The following PDE1C variants were observed in gnomAD, a reference collection of about 807,000 sequenced individuals.
PDE1C encodes phosphodiesterase 1C.
PDE1C carries 62 observed loss-of-function variants against 93.1 expected under a neutral mutation model. The ratio of observed to expected loss-of-function variants is 0.67; its 90% CI spans 0.54 to 0.82. The LOEUF (loss-of-function observed/expected upper bound fraction) is 0.82. Ranked by LOEUF, PDE1C falls within the 40% of genes least tolerant of loss-of-function variation. PDE1C has a pLI of 0.00. For synonymous variants in PDE1C, 325 were observed against 310.1 expected (o/e 1.05, Z -0.50); for missense variants, 742 against 884.6 (o/e 0.84, Z 2.04).
intron 1 of PDE1C, among the ~76,000 whole-genome samples, chr7:32,323,067 C>A (rs1460913885): frequency 6.6e-6 from 1 of 152,156 alleles, no homozygotes; most frequent in African/African-American, 2.4e-5. Context: ...AGATTTAAGG[C>A]ATTTTTTAGT....
chr7:32,021,598 T>A (rs533934258), intron 2 of PDE1C, among the ~76,000 whole-genome samples: 1 of 150,728 alleles, frequency 6.6e-6, no homozygotes, highest in Admixed American at 6.6e-5. Context: ...TTTAAAATAG[T>A]TTTTTTATAA....
chr7:32,337,357 A>T (rs1783647681), intron 1 of PDE1C, among the ~76,000 whole-genome samples: 1 of 152,188 alleles, frequency 6.6e-6, no homozygotes, highest in South Asian at 2.1e-4. Context: ...ATTACCATAC[A>T]CTAGTATTGT....
chr7:32,342,882 T>G (rs903711942), intron 1 of PDE1C, among the ~76,000 whole-genome samples: 5 of 152,208 alleles, frequency 3.3e-5, no homozygotes, highest in African/African-American at 7.2e-5. Context: ...TTTTTGTACT[T>G]ATTTATTTTG....
At chr7:31,623,138 G>C in the PDE1C span, among the ~76,000 whole-genome samples, 19 of 152,216 alleles carry the variant, frequency 1.2e-4, no homozygotes, top group Non-Finnish European at 2.4e-4. Flanking sequence ...AAAGAGTCCA[G>C]GACCAGATGG....
chr7:31,878,113 A>G (rs1269460943), intron 4 of PDE1C, 77 bp from the exon 5 acceptor site: 3 of 993,046 alleles, frequency 3.0e-6, no homozygotes, highest in South Asian at 1.4e-5. Context: ...CATACCAAGT[A>G]TTGACAAATA....
At chr7:32,195,411 G>A (rs1804541265) in intron 2 of PDE1C, among the ~76,000 whole-genome samples, 1 of 152,172 alleles carries the variant, frequency 6.6e-6, no homozygotes, top group African/African-American at 2.4e-5. Flanking sequence ...ATTCTAGGTT[G>A]ACAGTTCTAC....
rs551440758 is a variant in PDE1C, at chr7:32,152,394, C to T, written c.308+17391G>A. Among the ~76,000 whole-genome samples, 4 of 152,314 alleles carry T rather than the reference C, an allele frequency of 2.6e-5. No homozygotes were observed. The East Asian group carries it at 7.7e-4, about 29-fold the overall frequency. ...ACATGAGCAGTGTGTCAGCGAAAGG[C>T]ACCAAAACAGCATAGGCATCCTCTG... On this transcript the variant is annotated intron_variant, in intron 3 of 18. Coordinates refer to the PDE1C transcript ENST00000396193.
intron 11 of PDE1C, among the ~76,000 whole-genome samples, chr7:31,836,468 G>A (rs1432962591): frequency 6.6e-6 from 1 of 151,966 alleles, no homozygotes. Context: ...TCAAGTAGCT[G>A]GGATTACAGG....
intron 2 of PDE1C, among the ~76,000 whole-genome samples, chr7:31,988,995 CAAAAA>C (rs36081234): frequency 1.5e-4 from 5 of 34,170 alleles, no homozygotes; most frequent in African/African-American, 5.4e-4. Flanking sequence ...AACTTCTTCT[CAAAAA>C]AAAAAAAAAA....
chr7:32,374,621 C>T (rs768965456), intron 1 of PDE1C, among the ~76,000 whole-genome samples: 3 of 152,216 alleles, frequency 2.0e-5, no homozygotes, highest in African/African-American at 7.2e-5. Flanking sequence ...TCTTCCCACC[C>T]GAGGCCCTGG....
At chr7:32,009,403 G>C (rs1486309202) in intron 2 of PDE1C, among the ~76,000 whole-genome samples, 1 of 152,190 alleles carries the variant, frequency 6.6e-6, no homozygotes, top group Non-Finnish European at 1.5e-5. Context: ...GATCTGCAAA[G>C]AATCCCACTT....
chr7:31,991,148 C>G (rs912356458), intron 2 of PDE1C, among the ~76,000 whole-genome samples: 4 of 152,158 alleles, frequency 2.6e-5, no homozygotes, highest in African/African-American at 9.7e-5. Context: ...GTTACATACT[C>G]AATTTGTAAG....
At chr7:32,420,112 TATATATATATATACAC>T (rs1785365972) in intron 1 of PDE1C, among the ~76,000 whole-genome samples, 2 of 26,222 alleles carry the variant, frequency 7.6e-5, no homozygotes, top group African/African-American at 2.3e-4. Flanking sequence ...TATATATATA[TATATATATATATACAC>T]ACACACACAC....
chr7:31,996,212 C>A (rs6947718), intron 2 of PDE1C, among the ~76,000 whole-genome samples: 2 of 151,952 alleles, frequency 1.3e-5, no homozygotes, highest in East Asian at 3.9e-4. Context: ...GAAGAAACAT[C>A]GTGATTACTC....
At chr7:31,693,516 A>G in the PDE1C span, among the ~76,000 whole-genome samples, 1 of 152,178 alleles carries the variant, frequency 6.6e-6, no homozygotes, top group African/African-American at 2.4e-5. Context: ...TCAGCTTTTT[A>G]CCTGGCTTTC....
chr7:31,791,589 C>A (rs934586026), intron 16 of PDE1C, among the ~76,000 whole-genome samples: 1 of 152,098 alleles, frequency 6.6e-6, no homozygotes, highest in African/African-American at 2.4e-5. Context: ...ATAATACTAA[C>A]CACCTTCAGA....
rs539073935 is a variant in PDE1C at position 32,332,454 on chromosome 7, G to T, written c.310+95368C>A. 1.6e-4 allele frequency among the ~76,000 whole-genome samples: 23 copies of T among 146,906 alleles called. No homozygotes were observed. The South Asian group carries it at 3.9e-3, about 25-fold the overall frequency. ...ATGGTAATTTAAACTGATACAACAG[G>T]TTTTTTTTTTTAATTTGGCTTTAGT... is the stretch of plus-strand genomic sequence containing the variant. On this transcript the variant is annotated intron_variant, in intron 1 of 1. Transcript: ENST00000672256.
At chr7:32,078,032 A>G (rs890554257) in intron 3 of PDE1C, 1 of 985,366 alleles carries the variant, frequency 1.0e-6, no homozygotes, top group Non-Finnish European at 1.2e-6. Context: ...CCAACCCAGT[A>G]TAATTAACTT....
intron 1 of PDE1C, among the ~76,000 whole-genome samples, chr7:32,348,447 C>T (rs1271178624): frequency 1.5e-5 from 2 of 135,800 alleles, no homozygotes; most frequent in African/African-American, 5.5e-5. Context: ...TCACTGCAAG[C>T]TCTGTCCACC....
Sources: gnomAD v4.1 joint callset for allele counts (sites outside exome capture counted in the v4.1 genomes callset) on GRCh38, gnomAD v4.1.1 for gene constraint, MANE v1.5 for transcripts, NCBI Gene and HGNC (gene_info 2026-07-23, HGNC 2026-07-21) for gene names.